The following CCDC40 variants were observed in gnomAD, a reference collection of about 807,000 sequenced individuals.
The protein encoded by CCDC40 is coiled-coil domain-containing protein 40.
CCDC40 carries 104 observed loss-of-function variants against 124.5 expected under a neutral mutation model. The observed-to-expected ratio is 0.84, with a 90% CI of 0.71 to 0.98. CCDC40 has a LOEUF of 0.98. Ranked by LOEUF, CCDC40 falls within the 50% of genes least tolerant of loss-of-function variation. CCDC40 has a pLI of 0.00. For synonymous variants in CCDC40, 580 were observed against 602.9 expected, an observed-to-expected ratio of 0.96 and a Z score of 0.56; for missense variants, 1,463 against 1,503.9, an observed-to-expected ratio of 0.97 and a Z score of 0.45.
rs2037546649 is a variant in CCDC40 at position 80,050,188 on chromosome 17, C to T, written c.1064C>T (p.Ala355Val). The T allele has an allele frequency of 1.2e-6, 2 of 1,612,540 alleles. No individual in the cohort carries two copies. Among genetic ancestry groups the T allele is most frequent in the Non-Finnish European group, 1.7e-6 (2 of 1,179,798 alleles). ...AAGAGTCACGACCGCCACGCAATGG[C>T]CTCGAGCGAGCGCAGGCAGAAGGAG... ...LEKSHDRHAM[A>V]SSERRQKEEE... Residue 355 changes from alanine (A) to valine (V), a missense_variant, in exon 7 of 20, where the codon GCC becomes GTC. By Grantham distance (64) the Ala-to-Val change is moderately conservative. Coordinates refer to ENST00000397545, the MANE Select transcript of CCDC40 (RefSeq NM_017950.4).
At chr17:80,038,582 T>C (rs948931081) in intron 2 of CCDC40, among the ~76,000 whole-genome samples, 2 of 151,988 alleles carry the variant, frequency 1.3e-5, no homozygotes, top group African/African-American at 2.4e-5. Flanking sequence ...ATTCCAGCAC[T>C]TTGGGAGGCC....
At chr17:80,090,777 C>T (rs2038709440) in intron 17 of CCDC40, 4 of 1,311,020 alleles carry the variant, frequency 3.1e-6, no homozygotes, top group Non-Finnish European at 3.9e-6. Context: ...ACAGTAAGAG[C>T]AGTTCATAAA....
chr17:80,091,878 A>G (rs1164568994), intron 17 of CCDC40, among the ~76,000 whole-genome samples: 1 of 151,932 alleles, frequency 6.6e-6, no homozygotes, highest in Non-Finnish European at 1.5e-5. Flanking sequence ...TAAAAAGCAC[A>G]TGGCGGCAGT....
chr17:80,065,670 C>G (rs56126512), intron 10 of CCDC40, 64 bp downstream of exon 10: 2 of 1,599,274 alleles, frequency 1.3e-6, no homozygotes, highest in Non-Finnish European at 1.7e-6. Context: ...CAGGCCCGCC[C>G]CACACCCCCT....
chr17:80,050,080 A>G lies in CCDC40; in HGVS notation c.956A>G (p.Gln319Arg), dbSNP rs1428646439. Residue 319 changes from glutamine to arginine, a missense_variant, in exon 7 of 20, where the codon CAG becomes CGG. By Grantham distance (43) the Gln-to-Arg change is conservative. Transcript: ENST00000397545. ...TTGGTCCAGGTTGTGGCTACCAAGC[A>G]GAGCCGAGCCCAGCGGCAGGAGCTG... ...DLQELVVATK[Q>R]SRAQRQELGV... The G allele has an allele frequency of 4.3e-6, 7 of 1,613,776 alleles. No individual in the cohort carries two copies. The highest frequency in any genetic ancestry group is 5.9e-6 in the Non-Finnish European group (7 of 1,179,984).
rs777264104 is a variant in CCDC40, at chr17:80,058,974, G to T, written c.1434G>T (p.Val478=). 1.2e-6 allele frequency: 2 copies of T among 1,614,200 alleles called. No homozygotes were observed. The highest frequency in any genetic ancestry group is 1.7e-6 in the Non-Finnish European group (2 of 1,180,024). The part of the protein sequence containing the change: ...AEDTRILRKA[V]SEACTEIDAI... ...ACACCCGGATTTTAAGGAAAGCAGT[G>T]AGTGAGGTAAAAGCAGTCCCCGCAG... The change falls in exon 9 of 20, where the codon GTG becomes GTT. Residue 478 remains valine, a synonymous_variant. Transcript: ENST00000397545. This position sits in a 1 kb window ranked among gnomAD's most constrained non-coding sequence, Gnocchi z 4.2.
intron 1 of CCDC40, among the ~76,000 whole-genome samples, chr17:80,037,688 A>AGATATATATATAT (rs1555889124): frequency 2.6e-4 from 12 of 45,708 alleles, no homozygotes; most frequent in African/African-American, 7.1e-4. Flanking sequence ...TTTTTTAAAA[A>AGATATATATATAT]AGATATACAT....
In CCDC40 at chr17:80,047,337, T is replaced by C; in HGVS notation, c.611T>C (p.Phe204Ser). 6.2e-7 allele frequency: 1 copy of C among 1,613,882 alleles called. No homozygotes were observed. The change falls in exon 4 of 20, where the codon TTC becomes TCC. Residue 204 changes from phenylalanine to serine, a missense_variant. By Grantham distance (155) the Phe-to-Ser change is radical. Transcript: ENST00000397545. ...CTCCCAATGGGCGTCCAGCACCGCT[T>C]CCGGCTGAGCCACGGGAGCGACATC... ...QVLPMGVQHR[F>S]RLSHGSDIES... is the part of the protein sequence containing the mutation.
intron 10 of CCDC40, among the ~76,000 whole-genome samples, chr17:80,078,098 A>G (rs71389728): frequency 0.13 from 20,077 of 151,972 alleles, 1,401 homozygotes; most frequent in East Asian, 0.25. Context: ...TTGGGAGGCC[A>G]AGGTGGGCGG....
At position 80,095,454 on chromosome 17, in the gene CCDC40, A is replaced by G; in HGVS notation, c.3021+3A>G. The G allele has an allele frequency of 6.2e-7, 1 of 1,614,066 alleles. No homozygotes were observed. Among genetic ancestry groups the G allele is most frequent in the Non-Finnish European group, 8.5e-7 (1 of 1,179,936 alleles). ...GGAAAATCAGGGACGTTCGCAAGGTAGGGAGCAGCGGAAAGGAAACAGGGC... is the reference window on the plus strand; with the variant it reads ...GGAAAATCAGGGACGTTCGCAAGGTGGGGAGCAGCGGAAAGGAAACAGGGC... On this transcript the variant is annotated splice_donor_region_variant and intron_variant, in intron 18 of 19. Transcript: ENST00000397545.
At chr17:80,083,969 G>A (rs1466278542) in intron 12 of CCDC40, among the ~76,000 whole-genome samples, 2 of 152,220 alleles carry the variant, frequency 1.3e-5, no homozygotes, top group Non-Finnish European at 2.9e-5. Flanking sequence ...TGTGTAGGGT[G>A]TGATCCTATT....
intron 13 of CCDC40, among the ~76,000 whole-genome samples, chr17:80,085,683 T>C (rs1186575054): frequency 6.6e-6 from 1 of 150,918 alleles, no homozygotes; most frequent in African/African-American, 2.4e-5. Context: ...TTTTTTTTTT[T>C]TTTTCTGAGA....
chr17:80,073,321 G>A (rs996604696), intron 10 of CCDC40, among the ~76,000 whole-genome samples: 3 of 152,082 alleles, frequency 2.0e-5, no homozygotes, highest in East Asian at 3.9e-4. Flanking sequence ...CGGCAGCTCC[G>A]TGTGGAGCAA....
Position 80,081,367 on chromosome 17 carries a change from AGAGT to A in CCDC40, c.1563-175_1563-172del, listed in dbSNP as rs1363633202. 9 of 322,846 alleles carry A rather than the reference AGAGT, an allele frequency of 2.8e-5. 3 individuals carry two copies. Among genetic ancestry groups the A allele is most frequent in the Non-Finnish European group, 4.3e-5 (8 of 186,020 alleles). The allele number at this position is 322,846 out of a possible 1,614,324, so 20.0% of individuals were successfully genotyped here. ...ACCACTGTATTTCAGCCTGGGTTAC[AGAGT>A]GAGACTCTGTCTCAAAAAATAAATA... On this transcript the variant is annotated intron_variant, in intron 10 of 19. Coordinates refer to ENST00000397545, the MANE Select transcript of CCDC40 (RefSeq NM_017950.4).
At chr17:80,078,212 T>C (rs1407792626) in intron 10 of CCDC40, among the ~76,000 whole-genome samples, 1 of 151,080 alleles carries the variant, frequency 6.6e-6, no homozygotes, top group African/African-American at 2.4e-5. Flanking sequence ...GCGCCTGTAG[T>C]CCCAGCTACT....
chr17:80,090,465 AAC>A (rs1373765459), intron 17 of CCDC40: 9 of 1,258,262 alleles, frequency 7.2e-6, no homozygotes, highest in Non-Finnish European at 9.0e-6. Flanking sequence ...GTGCATGAAC[AAC>A]ACAGGACACA....
chr17:80,088,849 C>T (rs900309999), intron 16 of CCDC40, among the ~76,000 whole-genome samples: 4 of 152,184 alleles, frequency 2.6e-5, no homozygotes, highest in Non-Finnish European at 4.4e-5. Flanking sequence ...CTGGAACCCA[C>T]CCTAGTGGAT....
rs2038866499 is a variant in CCDC40 at position 80,099,148 on chromosome 17, G to A, written c.3181-379G>A. On this transcript the variant is annotated intron_variant, in intron 19 of 19. Coordinates refer to ENST00000397545, the MANE Select transcript of CCDC40 (RefSeq NM_017950.4). ...AAAAAAAAAATACAAAAAATTAGCC[G>A]GGCCTGGTGACGGGCATCTGTAGTC... Among the ~76,000 whole-genome samples the A allele has an allele frequency of 2.0e-5, 3 of 151,880 alleles. 1 individual carries two copies. Among genetic ancestry groups the A allele is most frequent in the South Asian group, 4.2e-4 (2 of 4,806 alleles).
chr17:80,067,851 C>T (rs1598514749), intron 10 of CCDC40: 9 of 1,392,932 alleles, frequency 6.5e-6, no homozygotes, highest in East Asian at 2.6e-5. Flanking sequence ...TGTGCCAATC[C>T]GATTGATGAA....
Sources: allele counts gnomAD v4.1 joint callset (sites outside exome capture counted in the v4.1 genomes callset), GRCh38; gene constraint gnomAD v4.1.1; non-coding constraint Gnocchi (gnomAD v3.1); transcripts MANE v1.5; gene names NCBI Gene and HGNC (gene_info 2026-07-23, HGNC 2026-07-21).